ABR: variants seen among roughly 807,000 people sequenced by gnomAD.
The protein encoded by ABR is ABR activator of RhoGEF and GTPase, also known as active breakpoint cluster region-related protein.
In ABR, 35 loss-of-function variants were observed where a neutral mutation model predicts 107.2. The ratio of observed to expected loss-of-function variants is 0.33; its 90% confidence interval spans 0.25 to 0.43. The LOEUF (loss-of-function observed/expected upper bound fraction) is 0.43. ABR is among the 20% of genes least tolerant of loss of function. ABR has a pLI of 1.00. For missense variants in ABR, 815 were observed against 1,115.2 expected, an observed-to-expected ratio of 0.73 and a Z score of 3.83; for synonymous variants, 498 against 462.0, an observed-to-expected ratio of 1.08 and a Z score of -1.00.
Position 1,032,033 on chromosome 17 carries a change from A to G in ABR, c.1791+18017T>C, listed in dbSNP as rs529315754. On this transcript the variant is annotated intron_variant, in intron 16 of 22. Coordinates refer to ENST00000302538, the MANE Select transcript of ABR (RefSeq NM_021962.5). ...CCCAACCCCGGGTTTCATCCCTGGC[A>G]AGGGCGCTGCTCCTCCCCGACCCCG... Among the ~76,000 whole-genome samples, 192 of 150,488 alleles carry G rather than the reference A, an allele frequency of 1.3e-3. 1 individual carries two copies. Among genetic ancestry groups the G allele is most frequent in the Middle Eastern group, 6.8e-3 (2 of 292 alleles).
intron 2 of ABR, among the ~76,000 whole-genome samples, chr17:1,116,295 A>C (rs560154420): frequency 0.011 from 1,664 of 152,324 alleles, 41 homozygotes; most frequent in East Asian, 0.11. Context: ...TTATACAGTG[A>C]AACAAATAAA....
At chr17:1,105,606 GCTCA>G (rs1315149556) in intron 2 of ABR, among the ~76,000 whole-genome samples, 1 of 152,150 alleles carries the variant, frequency 6.6e-6, no homozygotes, top group Non-Finnish European at 1.5e-5. Flanking sequence ...GGGCTCAGTG[GCTCA>G]CTCCTGTAAT....
At chr17:1,031,741 T>A in intron 16 of ABR, 1 of 1,234,856 alleles carries the variant, frequency 8.1e-7, no homozygotes, top group Non-Finnish European at 1.0e-6. Context: ...ACGTCGGTCA[T>A]GCCGGGGGGG....
At chr17:1,169,015 C>G (rs138727256) in intron 1 of ABR, among the ~76,000 whole-genome samples, 79 of 152,364 alleles carry the variant, frequency 5.2e-4, no homozygotes, top group African/African-American at 1.9e-3. Flanking sequence ...TGGACGCCAG[C>G]TGGTCTCTCA....
Position 1,085,110 on chromosome 17 carries a change from CTT to C in ABR, c.532-1485_532-1484del, listed in dbSNP as rs1230702293. The stretch of plus-strand genomic sequence containing the variant: ...AGCCACTGCGCCCGGCCAATTAAAA[CTT>C]TTTTTTTTTTTTTTTTTTGAGATGG... On this transcript the variant is annotated intron_variant, in intron 4 of 22. Transcript: ENST00000302538. 6.1e-3 allele frequency among the ~76,000 whole-genome samples: 767 copies of C among 126,076 alleles called. 6 individuals carry two copies. The highest frequency in any genetic ancestry group is 0.019 in the African/African-American group (609 of 31,494). 82.7% of individuals were successfully genotyped at this position (126,076 alleles called of 152,430 possible). A position where few individuals can be genotyped will look rare whatever the true frequency, so the allele number is the denominator to read the frequency against.
At chr17:1,165,853 T>G (rs1431510074) in intron 1 of ABR, among the ~76,000 whole-genome samples, 1 of 152,140 alleles carries the variant, frequency 6.6e-6, no homozygotes, top group African/African-American at 2.4e-5. Flanking sequence ...AATTTTCAAG[T>G]GAGAGCAGCC....
intron 1 of ABR, among the ~76,000 whole-genome samples, chr17:1,165,107 C>G (rs2041455012): frequency 6.6e-6 from 1 of 152,222 alleles, no homozygotes; most frequent in Admixed American, 6.5e-5. Context: ...GCATAAATAA[C>G]TTGCTGGAGG....
intron 3 of ABR, 29 bp downstream of exon 3, chr17:1,100,608 G>A: frequency 1.9e-6 from 3 of 1,598,018 alleles, no homozygotes; most frequent in Non-Finnish European, 2.6e-6. Flanking sequence ...GGGGGGACCG[G>A]AAGGCCCCAG....
chr17:1,011,807 C>G lies in ABR; in HGVS notation c.2101+39G>C. 1 of 1,541,104 alleles carries G rather than the reference C, an allele frequency of 6.5e-7. No individual in the cohort carries two copies. The highest frequency in any genetic ancestry group is 8.8e-7 in the Non-Finnish European group (1 of 1,137,768). ...TGTCCATCCCACCAGCCTGCTCAGA[C>G]ACAGCCACACCTGCCCCGGCTGGGC... is the stretch of plus-strand genomic sequence containing the variant. On this transcript the variant is annotated intron_variant, in intron 19 of 22. Transcript: ENST00000302538. This position sits in a 1 kb window ranked among gnomAD's most constrained non-coding sequence, Gnocchi z 4.8.
rs540910605 is a variant in ABR, at chr17:1,107,592, A to T, written c.247-6857T>A. On this transcript the variant is annotated intron_variant, in intron 2 of 22. Transcript: ENST00000302538. ...GCTGGGGGCTTCCCAGAGGAGGCCC[A>T]TGAGGGCCACACACCTCCCATCCCA... 2.0e-5 allele frequency among the ~76,000 whole-genome samples: 3 copies of T among 152,294 alleles called. No homozygotes were observed. In the East Asian group the frequency reaches 5.8e-4, roughly 30 times the overall value.
At chr17:1,116,102 C>T (rs559173054) in intron 2 of ABR, among the ~76,000 whole-genome samples, 160 of 152,060 alleles carry the variant, frequency 1.1e-3, no homozygotes, top group Middle Eastern at 3.4e-3. Context: ...GGCCTGTAAT[C>T]CCAGCTACTT....
chr17:1,204,424 G>A (rs2042749186), intron 1 of ABR, among the ~76,000 whole-genome samples: 1 of 152,146 alleles, frequency 6.6e-6, no homozygotes, highest in Admixed American at 6.6e-5. Flanking sequence ...CAGCATGGGC[G>A]ACACAGCGAG....
In ABR at chr17:1,070,025, G is replaced by A. The variant is rs371789203; in HGVS notation, c.960C>T (p.His320=). The A allele has an allele frequency of 2.5e-5, 40 of 1,613,236 alleles. No individual in the cohort carries two copies. The highest frequency in any genetic ancestry group is 3.3e-5 in the South Asian group (3 of 91,052). The part of the protein sequence containing the change: ...EVSESSRKLR[H]VFLFTDVLLC... ...GTAGGACATCTGTAAAGAGGAAGAC[G>A]TGCCGCAGCTTCCGGGAGCTCTCTG... The change falls in exon 9 of 23, where the codon CAC becomes CAT. Residue 320 remains histidine (H), a synonymous_variant. Coordinates refer to ENST00000302538, the MANE Select transcript of ABR (RefSeq NM_021962.5). This position sits in a 1 kb window ranked among gnomAD's most constrained non-coding sequence, Gnocchi z 4.2.
chr17:1,137,546 G>T (rs543255876), intron 1 of ABR, among the ~76,000 whole-genome samples: 1 of 152,142 alleles, frequency 6.6e-6, no homozygotes, highest in Non-Finnish European at 1.5e-5. Flanking sequence ...TGCCGGGTCC[G>T]GTCTGTGGTG....
chr17:1,197,438 G>A (rs986609363), intron 1 of ABR, among the ~76,000 whole-genome samples: 5 of 151,520 alleles, frequency 3.3e-5, no homozygotes, highest in African/African-American at 4.9e-5. Context: ...GCTCCTGACC[G>A]GTCATTCTGA....
In ABR at chr17:1,072,978, G is replaced by A. The variant is rs549900337; in HGVS notation, c.754-224C>T. On this transcript the variant is annotated intron_variant, in intron 7 of 22. Coordinates refer to ENST00000302538, the MANE Select transcript of ABR (RefSeq NM_021962.5). ...GGGGATCTCTTGAGGTCAGAAGTTC[G>A]AGACCAGCCTGGGCAACGTGGTGAA... 2.5e-3 allele frequency among the ~76,000 whole-genome samples: 382 copies of A among 152,228 alleles called. 3 individuals carry two copies. The highest frequency in any genetic ancestry group is 6.8e-3 in the East Asian group (35 of 5,170).
chr17:1,169,010 G>A (rs936692955), intron 1 of ABR, among the ~76,000 whole-genome samples: 5 of 152,222 alleles, frequency 3.3e-5, no homozygotes, highest in African/African-American at 9.6e-5. Flanking sequence ...CTGGGTGGAC[G>A]CCAGCTGGTC....
rs577803319 is a variant in ABR, at chr17:1,092,462, G to A, written c.346-612C>T. Among the ~76,000 whole-genome samples the A allele has an allele frequency of 1.1e-4, 16 of 152,244 alleles. No homozygotes were observed. Among genetic ancestry groups the A allele is most frequent in the Admixed American group, 9.2e-4 (14 of 15,298 alleles). ...GTCCTTCCCACTGCGCATGGCAGGGGTCTCCAGTCTCAGACTCTTTCTCAA... is the reference window on the plus strand; with the variant it reads ...GTCCTTCCCACTGCGCATGGCAGGGATCTCCAGTCTCAGACTCTTTCTCAA... On this transcript the variant is annotated intron_variant, in intron 3 of 22. Coordinates refer to ENST00000302538, the MANE Select transcript of ABR (RefSeq NM_021962.5). This position sits in a 1 kb window ranked among gnomAD's most constrained non-coding sequence, Gnocchi z 4.6.
At chr17:1,204,476 A>G (rs1001444023) in intron 1 of ABR, among the ~76,000 whole-genome samples, 1 of 152,188 alleles carries the variant, frequency 6.6e-6, no homozygotes, top group African/African-American at 2.4e-5. Context: ...AATGAGAAAC[A>G]TGGGTTCAAA....
Sources: gnomAD v4.1 joint callset for allele counts (sites outside exome capture counted in the v4.1 genomes callset) on GRCh38, gnomAD v4.1.1 for gene constraint, Gnocchi (gnomAD v3.1) non-coding constraint, MANE v1.5 for transcripts, NCBI Gene and HGNC (gene_info 2026-07-23, HGNC 2026-07-21) for gene names.